Variants in ABCC8 observed in about 807,000 individuals in gnomAD.
ABCC8 encodes ATP-binding cassette sub-family C member 8.
ABCC8 carries 137 observed loss-of-function variants against 188.0 expected under a neutral mutation model. The ratio of observed to expected loss-of-function variants is 0.73; its 90% CI spans 0.63 to 0.84. The LOEUF (loss-of-function observed/expected upper bound fraction) is 0.84, where lower values mean the gene tolerates loss of function less well. Among genes scored for constraint, ABCC8 ranks in the 40% least tolerant of loss-of-function variants. The pLI, the probability that ABCC8 is intolerant of heterozygous loss-of-function variation, is 0.00. For synonymous variants in ABCC8, 797 were observed against 846.5 expected (o/e 0.94, Z 1.01); for missense variants, 1,750 against 2,072.7 (o/e 0.84, Z 3.02).
chr11:17,423,685 T>G (rs552852784), intron 16 of ABCC8, among the ~76,000 whole-genome samples: 3 of 152,310 alleles, frequency 2.0e-5, no homozygotes, highest in African/African-American at 7.2e-5. Flanking sequence ...CTAGGCTACC[T>G]GTAAAGGAGA....
chr11:17,394,972 C>T, intron 36 of ABCC8, 200 bp downstream of exon 36: 1 of 661,218 alleles, frequency 1.5e-6, no homozygotes, highest in East Asian at 2.8e-5. Context: ...GGAGCCAGAC[C>T]CTGAACTGAC....
At chr11:17,475,257 G>C (rs558577067) in intron 1 of ABCC8, among the ~76,000 whole-genome samples, 8 of 152,300 alleles carry the variant, frequency 5.3e-5, no homozygotes, top group Admixed American at 5.2e-4. Context: ...TTGCTCTGTT[G>C]CCTCTGCTGG....
At chr11:17,394,177 G>C in intron 37 of ABCC8, 89 bp downstream of exon 37, 1 of 1,506,840 alleles carries the variant, frequency 6.6e-7, no homozygotes, top group Non-Finnish European at 9.2e-7. Context: ...GGCAACTTGA[G>C]CCTCAGGACT....
At chr11:17,453,395 G>A (rs1332663406) in intron 6 of ABCC8, 112 bp from the exon 7 acceptor site, 1 of 1,393,120 alleles carries the variant, frequency 7.2e-7, no homozygotes, top group Non-Finnish European at 9.9e-7. Flanking sequence ...AGACCCTCTG[G>A]GCTTGCAAAG....
chr11:17,457,154 C>T (rs1957025047), intron 6 of ABCC8, among the ~76,000 whole-genome samples: 1 of 152,120 alleles, frequency 6.6e-6, no homozygotes, highest in South Asian at 2.1e-4. Flanking sequence ...TATGAAGAGG[C>T]CAGCCCATGC....
chr11:17,455,702 C>T (rs1188351126), intron 6 of ABCC8, among the ~76,000 whole-genome samples: 2 of 151,988 alleles, frequency 1.3e-5, no homozygotes, highest in African/African-American at 4.8e-5. Flanking sequence ...TTTTGGGAGG[C>T]TGAAGTAGGC....
intron 6 of ABCC8, among the ~76,000 whole-genome samples, chr11:17,456,031 G>A (rs956176128): frequency 4.6e-5 from 7 of 151,648 alleles, no homozygotes; most frequent in Non-Finnish European, 8.8e-5. Flanking sequence ...GGAGTCTACC[G>A]AGAAGAGGGT....
chr11:17,410,575 C>A lies in ABCC8; in HGVS notation c.2635G>T (p.Asp879Tyr), dbSNP rs531684936. 1.2e-6 allele frequency: 2 copies of A among 1,614,002 alleles called. No homozygotes were observed. The highest frequency in any genetic ancestry group is 1.7e-5 in the Admixed American group (1 of 60,006). Residue 879 changes from aspartate to tyrosine, a missense_variant, in exon 22 of 39, where the codon GAC becomes TAC. Coordinates refer to ENST00000389817, the MANE Select transcript of ABCC8 (RefSeq NM_000352.6). ...QAGILELLRD[D>Y]KRTVVLVTHK... ...GTCACTAAGACCACTGTCCTCTTGT[C>A]GTCCCGGAGCAGCTCAAGGATGCCG...
At chr11:17,450,458 C>G (rs767009581) in intron 7 of ABCC8, among the ~76,000 whole-genome samples, 24 of 142,014 alleles carry the variant, frequency 1.7e-4, no homozygotes, top group Non-Finnish European at 3.5e-4. Context: ...GCGGTGGTGC[C>G]ATCTCGGCTC....
In ABCC8 at chr11:17,466,931, G is replaced by T. The variant is rs201544345; in HGVS notation, c.412+3170C>A. Among the ~76,000 whole-genome samples, 4 of 152,224 alleles carry T rather than the reference G, an allele frequency of 2.6e-5. No individual in the cohort carries two copies. In the East Asian group the frequency reaches 7.7e-4, roughly 29 times the overall value. ...TTCACCTGCCTTGGCCTGCCAAGGT[G>T]CTGGGATTACAGGCATGAGCCACCA... On this transcript the variant is annotated intron_variant, in intron 3 of 38. Coordinates refer to ENST00000389817, the MANE Select transcript of ABCC8 (RefSeq NM_000352.6).
chr11:17,450,685 CTT>C (rs71047553), intron 7 of ABCC8, among the ~76,000 whole-genome samples: 7 of 76,726 alleles, frequency 9.1e-5, no homozygotes, highest in African/African-American at 3.5e-4. Flanking sequence ...GCATGAGCCA[CTT>C]TTTTTTTTTT....
intron 36 of ABCC8, 75 bp from the exon 37 acceptor site, chr11:17,394,474 G>T (rs1953802408): frequency 6.2e-7 from 1 of 1,609,042 alleles, no homozygotes; most frequent in Middle Eastern, 1.7e-4. Flanking sequence ...GGATGGCTTG[G>T]GGGGCTGTTG....
At chr11:17,410,486 C>T (rs1374601236) in intron 22 of ABCC8, 30 bp downstream of exon 22, 3 of 1,613,470 alleles carry the variant, frequency 1.9e-6, no homozygotes, top group Middle Eastern at 3.3e-4. Context: ...GCCCTGCCCC[C>T]TATAGCCTGA....
intron 1 of ABCC8, 65 bp downstream of exon 1, chr11:17,476,564 G>A (rs998314001): frequency 1.9e-6 from 3 of 1,563,372 alleles, no homozygotes; most frequent in Non-Finnish European, 8.7e-7. Flanking sequence ...GGTGCGGCGC[G>A]CAGCGCCTCC....
chr11:17,409,716 C>T (rs1289916814), intron 22 of ABCC8, among the ~76,000 whole-genome samples: 1 of 152,116 alleles, frequency 6.6e-6, no homozygotes, highest in Non-Finnish European at 1.5e-5. Flanking sequence ...TAGGAGTAGG[C>T]AAGACCTAGA....
At chr11:17,474,630 C>T (rs1264496841) in intron 2 of ABCC8, among the ~76,000 whole-genome samples, 1 of 151,814 alleles carries the variant, frequency 6.6e-6, no homozygotes, top group Non-Finnish European at 1.5e-5. Flanking sequence ...TTCTAATAGG[C>T]TCTAGCATTA....
chr11:17,415,533 AC>A, intron 17 of ABCC8, 194 bp from the exon 18 acceptor site: 1 of 815,236 alleles, frequency 1.2e-6, no homozygotes, highest in Non-Finnish European at 1.5e-6. Flanking sequence ...CTGCTGCCTG[AC>A]CACGTGGGTG....
chr11:17,443,273 C>T lies in ABCC8; in HGVS notation c.1372G>A (p.Val458Ile). 6.2e-7 allele frequency: 1 copy of T among 1,614,124 alleles called. No individual in the cohort carries two copies. The highest frequency in any genetic ancestry group is 1.1e-5 in the South Asian group (1 of 91,074). ...GVILLYYILGVSALIGAAVII... is the reference protein window; with the variant it reads ...GVILLYYILGISALIGAAVII... ...ACAGCTGCTCCAATTAAGGCACTGA[C>T]TCCGAGTATGTAGTAGAGGAGAATC... The change falls in exon 9 of 39, where the codon GTC (valine) becomes ATC (isoleucine). Residue 458 changes from valine to isoleucine, a missense_variant. Coordinates refer to ENST00000389817, the MANE Select transcript of ABCC8 (RefSeq NM_000352.6).
downstream of ABCC8, chr11:17,392,786 T>TTTTGCTCACACAGCTTCTGCC (rs1953694490): frequency 3.1e-6 from 2 of 646,682 alleles, no homozygotes; most frequent in Admixed American, 4.5e-5. Context: ...GGAAGCAGGC[T>TTTTGCTCACACAGCTTCTGCC]TTTGCTCACA....
Sources: allele counts gnomAD v4.1 joint callset (sites outside exome capture counted in the v4.1 genomes callset), GRCh38; gene constraint gnomAD v4.1.1; transcripts MANE v1.5; gene names NCBI Gene and HGNC (gene_info 2026-07-23, HGNC 2026-07-21).